SHC4: variants seen among roughly 807,000 people sequenced by gnomAD.
SHC4 encodes the protein SHC adaptor protein 4.
SHC4 carries 41 observed loss-of-function variants against 69.4 expected under a neutral mutation model. The ratio of observed to expected loss-of-function variants is 0.59; its 90% CI spans 0.46 to 0.77. SHC4 has a LOEUF of 0.77. SHC4 is among the 30% of genes least tolerant of loss of function. The pLI, the probability that SHC4 is intolerant of heterozygous loss-of-function variation, is 0.00. For synonymous variants in SHC4, 318 were observed against 299.3 expected (o/e 1.06, Z -0.64); for missense variants, 777 against 783.8 (o/e 0.99, Z 0.10).
chr15:48,867,402 T>C (rs183030021), intron 6 of SHC4, among the ~76,000 whole-genome samples: 1 of 152,114 alleles, frequency 6.6e-6, no homozygotes, highest in East Asian at 1.9e-4. Flanking sequence ...TAATACAGGC[T>C]CTTGAACAGC....
At chr15:48,898,318 A>C (rs143545714) in intron 2 of SHC4, among the ~76,000 whole-genome samples, 1 of 152,332 alleles carries the variant, frequency 6.6e-6, no homozygotes, top group African/African-American at 2.4e-5. Context: ...GAAAATGGAA[A>C]GCCTCAGACT....
At chr15:48,848,327 A>C (rs1899137585) in intron 9 of SHC4, among the ~76,000 whole-genome samples, 1 of 152,144 alleles carries the variant, frequency 6.6e-6, no homozygotes, top group Non-Finnish European at 1.5e-5. Flanking sequence ...ACGGGGGAGC[A>C]AAGTATCTAG....
At chr15:48,913,437 C>T (rs1900549219) in intron 2 of SHC4, among the ~76,000 whole-genome samples, 1 of 152,042 alleles carries the variant, frequency 6.6e-6, no homozygotes, top group South Asian at 2.1e-4. Context: ...CGGTTTAACT[C>T]CCACCGTGCT....
chr15:48,870,824 C>T (rs1390829997), intron 5 of SHC4, among the ~76,000 whole-genome samples: 1 of 152,216 alleles, frequency 6.6e-6, no homozygotes, highest in African/African-American at 2.4e-5. Flanking sequence ...TACACCAACA[C>T]CCAAGAGGAA....
intron 4 of SHC4, among the ~76,000 whole-genome samples, chr15:48,874,418 A>C (rs1181379455): frequency 1.3e-5 from 2 of 152,240 alleles, no homozygotes; most frequent in Middle Eastern, 6.8e-3. Flanking sequence ...GCTGCAGAGG[A>C]GGTGAGCAGT....
chr15:48,872,183 T>A (rs1161124863), intron 4 of SHC4, 41 bp from the exon 5 acceptor site: 2 of 1,163,668 alleles, frequency 1.7e-6, no homozygotes, highest in Admixed American at 4.5e-5. Flanking sequence ...AATTAATTGT[T>A]ATTTCTAGTT....
chr15:48,901,517 C>T (rs1481164421), intron 2 of SHC4, among the ~76,000 whole-genome samples: 2 of 152,148 alleles, frequency 1.3e-5, no homozygotes, highest in African/African-American at 2.4e-5. Context: ...CAGATGGAAA[C>T]AAATTATTTT....
intron 1 of SHC4, among the ~76,000 whole-genome samples, chr15:48,927,484 A>T (rs916315240): frequency 6.6e-6 from 1 of 152,082 alleles, no homozygotes; most frequent in African/African-American, 2.4e-5. Context: ...AAGCACCTAC[A>T]TTTTTCACAC....
chr15:48,841,040 C>G (rs1898979904), intron 10 of SHC4, among the ~76,000 whole-genome samples: 1 of 130,774 alleles, frequency 7.6e-6, no homozygotes, highest in African/African-American at 2.5e-5. Context: ...TTTGCCATTT[C>G]ATATTATTGA....
intron 1 of SHC4, among the ~76,000 whole-genome samples, chr15:48,943,714 AC>A (rs1334283985): frequency 6.6e-6 from 1 of 152,128 alleles, no homozygotes; most frequent in Non-Finnish European, 1.5e-5. Context: ...TTACATTCCC[AC>A]CAAGAGTGCA....
At chr15:48,931,444 C>T (rs1214057316) in intron 1 of SHC4, among the ~76,000 whole-genome samples, 1 of 152,176 alleles carries the variant, frequency 6.6e-6, no homozygotes, top group Non-Finnish European at 1.5e-5. Context: ...CCTCTACTTA[C>T]ATTTCTGATC....
intron 7 of SHC4, among the ~76,000 whole-genome samples, chr15:48,856,773 T>TAAAA (rs398027192): frequency 5.2e-5 from 6 of 116,046 alleles, no homozygotes; most frequent in African/African-American, 1.2e-4. Context: ...AGTTTCTTAC[T>TAAAA]AAAAAAAAAA....
At chr15:48,891,718 A>C (rs1009429732) in intron 2 of SHC4, among the ~76,000 whole-genome samples, 3 of 152,200 alleles carry the variant, frequency 2.0e-5, no homozygotes, top group African/African-American at 7.2e-5. Flanking sequence ...ACACCAATAC[A>C]CATACACATG....
intron 1 of SHC4, among the ~76,000 whole-genome samples, chr15:48,955,365 G>T (rs887538266): frequency 1.3e-5 from 2 of 152,170 alleles, no homozygotes; most frequent in Non-Finnish European, 2.9e-5. Context: ...GCATCATTTA[G>T]ATCACTCTCC....
chr15:48,825,298 C>T lies in SHC4; in HGVS notation c.*673G>A, dbSNP rs1898666024. On this transcript the variant is annotated 3_prime_UTR_variant, in exon 12 of 12. Coordinates refer to ENST00000332408, the MANE Select transcript of SHC4 (RefSeq NM_203349.4). The stretch of plus-strand genomic sequence containing the variant: ...TCTGAATAGCAAACACTGAGAAATG[C>T]TAGGCCAGAGGATTTGGGCCCCAAT... 6.6e-6 allele frequency: 1 copy of T among 152,042 alleles called. No individual in the cohort carries two copies. 9.4% of individuals were successfully genotyped at this position (152,042 alleles called of 1,614,324 possible).
At chr15:48,884,841 A>C (rs901934705) in intron 3 of SHC4, among the ~76,000 whole-genome samples, 14 of 152,196 alleles carry the variant, frequency 9.2e-5, no homozygotes, top group Admixed American at 7.2e-4. Context: ...TCCCAGAGTT[A>C]AAAAGTCCTC....
intron 1 of SHC4, among the ~76,000 whole-genome samples, chr15:48,940,785 C>T (rs932241516): frequency 1.3e-5 from 2 of 152,128 alleles, no homozygotes; most frequent in East Asian, 1.9e-4. Context: ...GGTCAGTGTT[C>T]GTTATACTGA....
At chr15:48,870,536 G>T (rs1195436474) in intron 5 of SHC4, among the ~76,000 whole-genome samples, 1 of 152,170 alleles carries the variant, frequency 6.6e-6, no homozygotes, top group Non-Finnish European at 1.5e-5. Flanking sequence ...AAGTAGTAAA[G>T]CTTAAAGGGG....
At chr15:48,956,776 G>A (rs1901460596) in intron 1 of SHC4, among the ~76,000 whole-genome samples, 2 of 152,096 alleles carry the variant, frequency 1.3e-5, no homozygotes. Flanking sequence ...ATCCCTGAAG[G>A]ACATTCTTTC....
Sources: gnomAD v4.1 joint callset for allele counts (sites outside exome capture counted in the v4.1 genomes callset) on GRCh38, gnomAD v4.1.1 for gene constraint, MANE v1.5 for transcripts, NCBI Gene and HGNC (gene_info 2026-07-23, HGNC 2026-07-21) for gene names.